The following NFIA variants were observed in gnomAD, a reference collection of about 807,000 sequenced individuals.
NFIA encodes the protein nuclear factor 1 A-type.
A neutral mutation model predicts 62.8 loss-of-function variants in NFIA; 8 were observed. The ratio of observed to expected loss-of-function variants is 0.13; its 90% CI spans 0.07 to 0.23. NFIA has a LOEUF of 0.23. Ranked by LOEUF, NFIA falls within the 10% of genes least tolerant of loss-of-function variation. The pLI is 1.00. For synonymous variants in NFIA, 235 were observed against 238.1 expected (o/e 0.99, Z 0.12); for missense variants, 410 against 642.1 (o/e 0.64, Z 3.91).
intron 2 of NFIA, among the ~76,000 whole-genome samples, chr1:61,236,710 G>T (rs144739460): frequency 1.3e-5 from 2 of 151,646 alleles, no homozygotes; most frequent in East Asian, 2.0e-4. Context: ...TGTCTAAAAT[G>T]GCTCAGTGTA....
intron 4 of NFIA, among the ~76,000 whole-genome samples, chr1:61,348,746 T>C (rs138470201): frequency 6.6e-6 from 1 of 152,314 alleles, no homozygotes; most frequent in African/African-American, 2.4e-5. Flanking sequence ...CTAGGAGGCC[T>C]CTTCTTCTCT....
chr1:61,453,516 C>T (rs1189355731), intron 10 of NFIA, among the ~76,000 whole-genome samples: 1 of 140,626 alleles, frequency 7.1e-6, no homozygotes, highest in Non-Finnish European at 1.5e-5. Flanking sequence ...TTTTGTAGTG[C>T]CCTGAGGTCT....
At chr1:61,270,909 TTTTAG>T (rs778626150) in intron 2 of NFIA, among the ~76,000 whole-genome samples, 17 of 152,146 alleles carry the variant, frequency 1.1e-4, no homozygotes, top group African/African-American at 4.1e-4. Flanking sequence ...TACCTAGACA[TTTTAG>T]TTTAGTTTAG....
At chr1:61,345,638 G>A (rs1300524967) in intron 4 of NFIA, among the ~76,000 whole-genome samples, 1 of 152,136 alleles carries the variant, frequency 6.6e-6, no homozygotes, top group Non-Finnish European at 1.5e-5. Flanking sequence ...ATCAGTGGTA[G>A]CATTAGATTC....
At chr1:61,316,069 A>T (rs1338751782) in intron 3 of NFIA, among the ~76,000 whole-genome samples, 1 of 152,174 alleles carries the variant, frequency 6.6e-6, no homozygotes, top group Admixed American at 6.5e-5. Context: ...CAATCTTCAA[A>T]ATCAAGATTC....
At chr1:61,310,260 G>A (rs1232134963) in intron 3 of NFIA, among the ~76,000 whole-genome samples, 1 of 152,222 alleles carries the variant, frequency 6.6e-6, no homozygotes, top group Non-Finnish European at 1.5e-5. Context: ...AGACACAGCA[G>A]TAGGAAAAGA....
chr1:61,249,950 C>T (rs764132637), intron 2 of NFIA: 1 of 152,168 alleles, frequency 6.6e-6, no homozygotes, highest in East Asian at 1.9e-4. Flanking sequence ...ATACTTACTG[C>T]AAGAGGCAGA....
chr1:61,175,378 G>C (rs1156365142), intron 2 of NFIA, among the ~76,000 whole-genome samples: 1 of 152,160 alleles, frequency 6.6e-6, no homozygotes, highest in Non-Finnish European at 1.5e-5. Flanking sequence ...CTGGCCTCAA[G>C]GGATCCACCT....
intron 9 of NFIA, among the ~76,000 whole-genome samples, chr1:61,413,730 G>A (rs1408262391): frequency 6.6e-5 from 9 of 137,002 alleles, no homozygotes; most frequent in African/African-American, 1.7e-4. Context: ...GGGTTCAAGC[G>A]ATTCTCCTGC....
At chr1:61,318,256 A>C (rs1450423078) in intron 3 of NFIA, among the ~76,000 whole-genome samples, 1 of 151,424 alleles carries the variant, frequency 6.6e-6, no homozygotes, top group African/African-American at 2.4e-5. Context: ...AGGTGGATAA[A>C]TAAGTCAAAA....
At chr1:61,371,292 A>G (rs1212780284) in intron 6 of NFIA, among the ~76,000 whole-genome samples, 1 of 152,178 alleles carries the variant, frequency 6.6e-6, no homozygotes, top group East Asian at 1.9e-4. Context: ...TTATCACTTC[A>G]TGGTGCTGAC....
rs550388258 is a variant in NFIA, at chr1:61,357,078, A to C, written c.819-2069A>C. On this transcript the variant is annotated intron_variant, in intron 5 of 10. Coordinates refer to ENST00000403491, the MANE Select transcript of NFIA (RefSeq NM_001134673.4). The stretch of plus-strand genomic sequence containing the variant: ...CTTATAGGAGAAAGTCCAGACGTGC[A>C]ATATCTTCTATAACCTCCACCCTTC... Among the ~76,000 whole-genome samples, 6 of 152,304 alleles carry C rather than the reference A, an allele frequency of 3.9e-5. No individual in the cohort carries two copies. In the East Asian group the frequency reaches 1.2e-3, roughly 29 times the overall value.
At chr1:61,244,157 T>C (rs980457210) in intron 2 of NFIA, among the ~76,000 whole-genome samples, 6 of 152,200 alleles carry the variant, frequency 3.9e-5, no homozygotes, top group African/African-American at 9.6e-5. Flanking sequence ...ACAGCTGTTA[T>C]TCCTTTTTAT....
chr1:61,163,139 CTT>C (rs963393316), intron 2 of NFIA, among the ~76,000 whole-genome samples: 2 of 152,088 alleles, frequency 1.3e-5, no homozygotes, highest in African/African-American at 4.8e-5. Context: ...GGAATAAAGA[CTT>C]ATACTAATGG....
chr1:61,368,655 A>G (rs1022797494), intron 6 of NFIA, among the ~76,000 whole-genome samples: 9 of 152,262 alleles, frequency 5.9e-5, no homozygotes, highest in Non-Finnish European at 1.2e-4. Flanking sequence ...GCTCTGTGTA[A>G]AAGTATCGTG....
At chr1:61,256,185 G>T (rs147780530) in intron 2 of NFIA, among the ~76,000 whole-genome samples, 6,538 of 152,042 alleles carry the variant, frequency 0.043, 207 homozygotes, top group Non-Finnish European at 0.061. Flanking sequence ...CCCAGCACTT[G>T]GGGAGGCCAA....
intron 2 of NFIA, among the ~76,000 whole-genome samples, chr1:61,245,372 A>C (rs1356214933): frequency 6.6e-6 from 1 of 152,204 alleles, no homozygotes; most frequent in Non-Finnish European, 1.5e-5. Context: ...GTAAATTTTC[A>C]AAGTTCAAAG....
chr1:61,206,865 C>T (rs1365656681), intron 2 of NFIA, among the ~76,000 whole-genome samples: 1 of 152,120 alleles, frequency 6.6e-6, no homozygotes, highest in Non-Finnish European at 1.5e-5. Context: ...TTCAAACACA[C>T]CATTGTACTG....
intron 7 of NFIA, among the ~76,000 whole-genome samples, chr1:61,402,557 G>T (rs1665620963): frequency 6.6e-6 from 1 of 152,178 alleles, no homozygotes; most frequent in South Asian, 2.1e-4. Flanking sequence ...AGATGGAGAA[G>T]GCTGGGAGAA....
Sources: allele counts gnomAD v4.1 joint callset (sites outside exome capture counted in the v4.1 genomes callset), GRCh38; gene constraint gnomAD v4.1.1; transcripts MANE v1.5; gene names NCBI Gene and HGNC (gene_info 2026-07-23, HGNC 2026-07-21).